Variants in UNC13B observed in about 807,000 individuals in gnomAD.
The protein encoded by UNC13B is protein unc-13 homolog B.
In UNC13B, 144 loss-of-function variants were observed where a neutral mutation model predicts 211.0. The ratio of observed to expected loss-of-function variants is 0.68; its 90% CI spans 0.60 to 0.78. The LOEUF is 0.78. Among genes scored for constraint, UNC13B ranks in the 30% least tolerant of loss-of-function variants. The pLI is 0.00. For synonymous variants in UNC13B, 709 were observed against 725.8 expected, an observed-to-expected ratio of 0.98 and a Z score of 0.37; for missense variants, 1,777 against 2,002.0, an observed-to-expected ratio of 0.89 and a Z score of 2.14.
In UNC13B at chr9:35,381,093, T is replaced by C; in HGVS notation, c.10376-7T>C. 5.0e-6 allele frequency: 8 copies of C among 1,612,690 alleles called. No individual in the cohort carries two copies. The highest frequency in any genetic ancestry group is 6.8e-6 in the Non-Finnish European group (8 of 1,178,978). On this transcript the variant is annotated splice_polypyrimidine_tract_variant and splice_region_variant and intron_variant, in intron 18 of 39. Coordinates refer to ENST00000635942, the MANE Select transcript of UNC13B (RefSeq NM_001371189.2). ...GGTGTCAATCTCCAGTCTTCTTTCCTTCCTAGAGAAGAGGACAGACAAATC... is the reference window on the plus strand; with the variant it reads ...GGTGTCAATCTCCAGTCTTCTTTCCCTCCTAGAGAAGAGGACAGACAAATC...
intron 8 of UNC13B, among the ~76,000 whole-genome samples, chr9:35,299,876 G>T (rs536010384): frequency 4.5e-4 from 68 of 152,104 alleles, no homozygotes; most frequent in African/African-American, 1.6e-3. Context: ...AGGCTCACAG[G>T]CTAAAGATGA....
At chr9:35,207,151 A>G (rs1823702301) in intron 1 of UNC13B, among the ~76,000 whole-genome samples, 1 of 152,178 alleles carries the variant, frequency 6.6e-6, no homozygotes, top group Middle Eastern at 3.2e-3. Flanking sequence ...TCTGTCTTTT[A>G]AGTCATCCTA....
chr9:35,340,842 G>A (rs577128277), intron 11 of UNC13B, among the ~76,000 whole-genome samples: 1 of 152,264 alleles, frequency 6.6e-6, no homozygotes, highest in South Asian at 2.1e-4. Context: ...GTGGAAAGGG[G>A]ATATCACATT....
chr9:35,182,680 G>A (rs796586465), intron 1 of UNC13B, among the ~76,000 whole-genome samples: 1 of 152,030 alleles, frequency 6.6e-6, no homozygotes, highest in Non-Finnish European at 1.5e-5. Flanking sequence ...GACTCTTAAC[G>A]AGCATGCTGC....
chr9:35,338,272 A>G (rs1434483896), intron 11 of UNC13B, among the ~76,000 whole-genome samples: 2 of 152,160 alleles, frequency 1.3e-5, no homozygotes, highest in African/African-American at 4.8e-5. Flanking sequence ...CTTATGTTCA[A>G]GTTTCTGCTA....
At chr9:35,380,883 G>T (rs1277446268) in intron 18 of UNC13B, among the ~76,000 whole-genome samples, 1 of 152,084 alleles carries the variant, frequency 6.6e-6, no homozygotes, top group East Asian at 1.9e-4. Flanking sequence ...TAGTGCTTTT[G>T]TCCCCCCTCC....
At chr9:35,314,882 T>C (rs921860736) in intron 11 of UNC13B, among the ~76,000 whole-genome samples, 3 of 125,334 alleles carry the variant, frequency 2.4e-5, no homozygotes, top group African/African-American at 9.3e-5. Context: ...ATCTTTTTTT[T>C]TTTTTTTTTT....
At chr9:35,283,477 A>G (rs1490977571) in intron 7 of UNC13B, among the ~76,000 whole-genome samples, 2 of 152,030 alleles carry the variant, frequency 1.3e-5, no homozygotes, top group Non-Finnish European at 2.9e-5. Context: ...GGCCCACTCA[A>G]CAACACCGTG....
At chr9:35,321,274 G>A (rs1209679151) in intron 11 of UNC13B, among the ~76,000 whole-genome samples, 1 of 151,980 alleles carries the variant, frequency 6.6e-6, no homozygotes, top group Non-Finnish European at 1.5e-5. Context: ...GGGCTGGAGT[G>A]CAGTGGTACA....
intron 18 of UNC13B, among the ~76,000 whole-genome samples, 200 bp downstream of exon 18, chr9:35,380,839 C>T (rs1564182952): frequency 6.6e-6 from 1 of 152,176 alleles, no homozygotes; most frequent in Non-Finnish European, 1.5e-5. Context: ...GCTGAATGTT[C>T]TCTAGGTTTC....
At chr9:35,259,521 T>G (rs150470854) in intron 7 of UNC13B, among the ~76,000 whole-genome samples, 98 of 152,268 alleles carry the variant, frequency 6.4e-4, no homozygotes, top group African/African-American at 2.3e-3. Flanking sequence ...GACATAGACA[T>G]TGTTCCATTT....
At chr9:35,253,438 CTATTTT>C (rs1346618446) in intron 6 of UNC13B, among the ~76,000 whole-genome samples, 1 of 149,122 alleles carries the variant, frequency 6.7e-6, no homozygotes, top group African/African-American at 2.4e-5. Context: ...TTCTCTTTTT[CTATTTT>C]TATCATGAAA....
chr9:35,375,536 C>T (rs1160473869), intron 14 of UNC13B, among the ~76,000 whole-genome samples: 2 of 152,186 alleles, frequency 1.3e-5, no homozygotes, highest in Admixed American at 6.5e-5. Flanking sequence ...GTTGGACAAC[C>T]AGAAGCACAC....
Position 35,380,642 on chromosome 9 carries a change from G to A in UNC13B, c.10375+3G>A. ...GATGGACGTCTGGTACAACTTGGGT[G>A]AGGAAACTGGACCCGAGAAAGTTGC... On this transcript the variant is annotated splice_donor_region_variant and intron_variant, in intron 18 of 39. Coordinates refer to ENST00000635942, the MANE Select transcript of UNC13B (RefSeq NM_001371189.2). 6.2e-7 allele frequency: 1 copy of A among 1,614,168 alleles called. No individual in the cohort carries two copies. Among genetic ancestry groups the A allele is most frequent in the Non-Finnish European group, 8.5e-7 (1 of 1,179,996 alleles).
At chr9:35,214,197 A>G (rs1824128692) in intron 1 of UNC13B, among the ~76,000 whole-genome samples, 1 of 152,110 alleles carries the variant, frequency 6.6e-6, no homozygotes, top group Non-Finnish European at 1.5e-5. Context: ...GGAGGTGGAG[A>G]TGAGTGGATC....
rs1412040899 is a variant in UNC13B at position 35,377,627 on chromosome 9, A to G, written c.9995A>G (p.Gln3332Arg). The G allele has an allele frequency of 1.2e-5, 19 of 1,614,232 alleles. No homozygotes were observed. The highest frequency in any genetic ancestry group is 1.5e-5 in the Non-Finnish European group (18 of 1,180,046). Residue 3332 changes from glutamine to arginine, a missense_variant, in exon 16 of 40, where the codon CAG becomes CGG. Gln to Arg is a conservative substitution (Grantham distance 43). Transcript: ENST00000635942. ...FTVNKAAHVQ[Q>R]MKTVKQSVLD... is the part of the protein sequence containing the mutation. Reference sequence around the variant, plus strand: ...GTGAACAAAGCTGCCCATGTGCAGCAGATGAAAACAGTGAAGCAGAGTGTA... The same window carrying G: ...GTGAACAAAGCTGCCCATGTGCAGCGGATGAAAACAGTGAAGCAGAGTGTA...
chr9:35,261,180 T>C (rs756683289), intron 7 of UNC13B, among the ~76,000 whole-genome samples: 11 of 152,178 alleles, frequency 7.2e-5, no homozygotes, highest in Non-Finnish European at 1.3e-4. Context: ...GATTTGCTCT[T>C]TCCCTCATCC....
At chr9:35,336,678 TA>T (rs1831679122) in intron 11 of UNC13B, among the ~76,000 whole-genome samples, 1 of 152,042 alleles carries the variant, frequency 6.6e-6, no homozygotes, top group Non-Finnish European at 1.5e-5. Flanking sequence ...GCCTCTTTTA[TA>T]AAGGCACTAA....
chr9:35,184,789 AAGAG>A (rs1564054074), intron 1 of UNC13B, among the ~76,000 whole-genome samples: 1 of 39,726 alleles, frequency 2.5e-5, no homozygotes, highest in Non-Finnish European at 5.9e-5. Flanking sequence ...AGGAGAAAGA[AAGAG>A]AAAGAAGCGG....
Sources: gnomAD v4.1 joint callset for allele counts (sites outside exome capture counted in the v4.1 genomes callset) on GRCh38, gnomAD v4.1.1 for gene constraint, MANE v1.5 for transcripts, NCBI Gene and HGNC (gene_info 2026-07-23, HGNC 2026-07-21) for gene names.